The following IGSF11 variants were observed in gnomAD, a reference collection of about 807,000 sequenced individuals.
IGSF11 encodes CXADR like 1.
Under a neutral mutation model 41.0 loss-of-function variants are expected in IGSF11, and 22 were observed. The observed-to-expected ratio is 0.54, with a 90% confidence interval of 0.38 to 0.77. The LOEUF (loss-of-function observed/expected upper bound fraction) is 0.77, where lower values mean the gene tolerates loss of function less well. Among genes scored for constraint, IGSF11 ranks in the 30% least tolerant of loss-of-function variants. The pLI is 0.00. For missense variants in IGSF11, 444 were observed against 530.8 expected, an observed-to-expected ratio of 0.84 and a Z score of 1.61; for synonymous variants, 219 against 201.3, an observed-to-expected ratio of 1.09 and a Z score of -0.74.
At chr3:119,073,386 G>C (rs1031000305) in intron 1 of IGSF11, among the ~76,000 whole-genome samples, 1 of 152,204 alleles carries the variant, frequency 6.6e-6, no homozygotes, top group East Asian at 1.9e-4. Flanking sequence ...GCCAGTCCTG[G>C]GCCGCGCATC....
At chr3:119,090,426 A>C (rs79517479) in intron 1 of IGSF11, among the ~76,000 whole-genome samples, 1,692 of 152,328 alleles carry the variant, frequency 0.011, 15 homozygotes, top group Middle Eastern at 0.02. Context: ...CATATAGCCA[A>C]AGCAGTCCTA....
intron 1 of IGSF11, among the ~76,000 whole-genome samples, chr3:119,068,927 CT>C (rs574659492): frequency 0.016 from 1,315 of 81,016 alleles, 9 homozygotes; most frequent in African/African-American, 0.031. Context: ...TTTTTTTTTT[CT>C]TTTTTTTTTT....
chr3:119,080,867 A>G (rs1429640571), intron 1 of IGSF11, among the ~76,000 whole-genome samples: 3 of 152,154 alleles, frequency 2.0e-5, no homozygotes, highest in Non-Finnish European at 4.4e-5. Context: ...TTTTTATCCC[A>G]GTTTAACTAA....
rs761096458 is a variant in IGSF11, at chr3:118,905,589, T to G, written c.703+7A>C. ...CATGGTTGACATCAGAATTTCCATA[T>G]GCTTACGTGAAATAACCTGGAGATC... On this transcript the variant is annotated splice_region_variant and intron_variant, in intron 5 of 6. Coordinates refer to ENST00000393775, the MANE Select transcript of IGSF11 (RefSeq NM_001015887.3). The G allele has an allele frequency of 1.9e-6, 3 of 1,613,754 alleles. No individual in the cohort carries two copies. The highest frequency in any genetic ancestry group is 2.5e-6 in the Non-Finnish European group (3 of 1,179,716).
intron 1 of IGSF11, among the ~76,000 whole-genome samples, chr3:119,087,370 TTA>T (rs1238664788): frequency 8.9e-6 from 1 of 112,124 alleles, no homozygotes; most frequent in East Asian, 2.5e-4. Flanking sequence ...AAAGAAAATG[TTA>T]TACACACACA....
chr3:119,039,921 C>A (rs1007879858), intron 1 of IGSF11, among the ~76,000 whole-genome samples: 15 of 152,168 alleles, frequency 9.9e-5, no homozygotes, highest in Admixed American at 9.8e-4. Flanking sequence ...CCAACCTGTC[C>A]TTTTTCATTC....
At chr3:118,990,257 G>T (rs910507539) in intron 1 of IGSF11, among the ~76,000 whole-genome samples, 1 of 152,034 alleles carries the variant, frequency 6.6e-6, no homozygotes, top group Non-Finnish European at 1.5e-5. Context: ...ATAGAGGGAG[G>T]GATACAGACC....
chr3:118,917,129 G>A (rs1351170069), intron 4 of IGSF11, among the ~76,000 whole-genome samples: 2 of 151,260 alleles, frequency 1.3e-5, no homozygotes, highest in Non-Finnish European at 2.9e-5. Flanking sequence ...GAAATTTATA[G>A]CACTAAATGC....
In IGSF11 at chr3:118,951,450, T is replaced by C. The variant is rs140352500; in HGVS notation, c.53-21175A>G. On this transcript the variant is annotated intron_variant, in intron 1 of 6. Coordinates refer to ENST00000393775, the MANE Select transcript of IGSF11 (RefSeq NM_001015887.3). ...ACACAGATACAACTACACACACACATAAGCATTTGATTTTTCTATCCTACA... is the reference window on the plus strand; with the variant it reads ...ACACAGATACAACTACACACACACACAAGCATTTGATTTTTCTATCCTACA... Among the ~76,000 whole-genome samples the C allele has an allele frequency of 4.4e-3, 664 of 152,228 alleles. 11 individuals carry two copies. The highest frequency in any genetic ancestry group is 0.015 in the African/African-American group (633 of 41,528).
At chr3:119,092,003 G>T (rs34924237) in intron 1 of IGSF11, among the ~76,000 whole-genome samples, 52 of 132,676 alleles carry the variant, frequency 3.9e-4, no homozygotes, top group Non-Finnish European at 7.1e-4. Flanking sequence ...TGGGGGGGGG[G>T]GGTTGGTGGT....
intron 1 of IGSF11, among the ~76,000 whole-genome samples, chr3:119,085,021 T>G (rs1392136305): frequency 6.6e-6 from 1 of 152,132 alleles, no homozygotes; most frequent in Non-Finnish European, 1.5e-5. Context: ...GTGTGGCCTA[T>G]CTCCCTACTG....
chr3:119,099,985 T>C (rs536099362), intron 1 of IGSF11, among the ~76,000 whole-genome samples: 3 of 151,652 alleles, frequency 2.0e-5, no homozygotes, highest in South Asian at 2.1e-4. Context: ...GAGGATACGC[T>C]GGGCAAAGGA....
intron 1 of IGSF11, among the ~76,000 whole-genome samples, chr3:118,936,455 C>T (rs1943286911): frequency 1.4e-5 from 2 of 145,708 alleles, no homozygotes; most frequent in Non-Finnish European, 3.0e-5. Context: ...TGCAGTGAGC[C>T]AAGATTGCAC....
intron 1 of IGSF11, among the ~76,000 whole-genome samples, chr3:118,997,792 T>A (rs1936420241): frequency 6.6e-6 from 1 of 152,160 alleles, no homozygotes. Context: ...GTTACTGTTA[T>A]GAGGACTTTC....
intron 1 of IGSF11, among the ~76,000 whole-genome samples, chr3:119,026,061 G>C (rs1487709549): frequency 6.6e-6 from 1 of 152,100 alleles, no homozygotes; most frequent in East Asian, 1.9e-4. Flanking sequence ...ACAAGGTCAG[G>C]AGTTCGAGAC....
At chr3:119,067,161 G>T (rs903145203) in intron 1 of IGSF11, among the ~76,000 whole-genome samples, 1 of 152,064 alleles carries the variant, frequency 6.6e-6, no homozygotes, top group African/African-American at 2.4e-5. Context: ...TCCAAGTAAT[G>T]TTATCTTTCA....
intron 1 of IGSF11, among the ~76,000 whole-genome samples, chr3:119,113,803 C>T (rs2107523255): frequency 6.6e-6 from 1 of 152,376 alleles, no homozygotes; most frequent in African/African-American, 2.4e-5. Flanking sequence ...AGTAGAGGTT[C>T]TCCATGAGGG....
At chr3:119,075,484 G>C (rs975629034) in intron 1 of IGSF11, among the ~76,000 whole-genome samples, 3 of 152,092 alleles carry the variant, frequency 2.0e-5, no homozygotes, top group Non-Finnish European at 2.9e-5. Flanking sequence ...TATGAAGTTA[G>C]CATCATTCTT....
rs572707086 is a variant in IGSF11 at position 118,978,067 on chromosome 3, T to C, written c.53-47792A>G. Among the ~76,000 whole-genome samples the C allele has an allele frequency of 2.0e-5, 3 of 152,276 alleles. No individual in the cohort carries two copies. In the South Asian group the frequency reaches 6.2e-4, roughly 32 times the overall value. On this transcript the variant is annotated intron_variant, in intron 1 of 6. Transcript: ENST00000393775. The stretch of plus-strand genomic sequence containing the variant: ...CCCACACCCTCCAGCTGCCTGCCTA[T>C]GGCTGCCCCCAGGGAAAGCAACCAA...
Sources: gnomAD v4.1 joint callset for allele counts (sites outside exome capture counted in the v4.1 genomes callset) on GRCh38, gnomAD v4.1.1 for gene constraint, MANE v1.5 for transcripts, NCBI Gene and HGNC (gene_info 2026-07-23, HGNC 2026-07-21) for gene names.